The following TRPM3 variants were observed in gnomAD, a reference collection of about 807,000 sequenced individuals.
The protein encoded by TRPM3 is transient receptor potential cation channel subfamily M member 3.
In TRPM3, 77 loss-of-function variants were observed where a neutral mutation model predicts 181.2. That is an observed-to-expected ratio of 0.42 (90% CI 0.35 to 0.51). The LOEUF (loss-of-function observed/expected upper bound fraction) is 0.51, where lower values mean the gene tolerates loss of function less well. Among genes scored for constraint, TRPM3 ranks in the 20% least tolerant of loss-of-function variants. The probability of loss-of-function intolerance (pLI) is 0.01; values close to 1 mark genes in which losing one functional copy is unlikely to be tolerated. For missense variants in TRPM3, 1,759 were observed against 2,196.7 expected (o/e 0.80, Z 3.98); for synonymous variants, 745 against 796.4 (o/e 0.94, Z 1.09).
intron 1 of TRPM3, among the ~76,000 whole-genome samples, chr9:71,236,877 T>C (rs887626795): frequency 6.6e-5 from 10 of 151,882 alleles, no homozygotes; most frequent in African/African-American, 2.4e-4. Context: ...CGAAACACTG[T>C]CTCTACTAAA....
At chr9:70,941,705 G>C (rs2096887786) in intron 1 of TRPM3, among the ~76,000 whole-genome samples, 1 of 152,186 alleles carries the variant, frequency 6.6e-6, no homozygotes, top group African/African-American at 2.4e-5. Context: ...CATTTTACTA[G>C]AGGGGACAAA....
intron 9 of TRPM3, among the ~76,000 whole-genome samples, chr9:70,646,958 C>T (rs1208137162): frequency 1.3e-5 from 2 of 150,734 alleles, no homozygotes; most frequent in South Asian, 2.1e-4. Flanking sequence ...TTGATAAATT[C>T]CTTGTAACAT....
intron 1 of TRPM3, among the ~76,000 whole-genome samples, chr9:71,175,573 G>A (rs34716106): frequency 6.6e-6 from 1 of 152,052 alleles, no homozygotes; most frequent in Non-Finnish European, 1.5e-5. Context: ...AGTGTGGATA[G>A]TGTCAGAGGG....
intron 1 of TRPM3, among the ~76,000 whole-genome samples, chr9:70,982,799 C>T (rs1312421357): frequency 6.6e-6 from 1 of 152,200 alleles, no homozygotes; most frequent in Non-Finnish European, 1.5e-5. Flanking sequence ...TTTCCAGCTT[C>T]AAGTGGTTCT....
intron 1 of TRPM3, among the ~76,000 whole-genome samples, chr9:71,007,366 CAG>C (rs1475876380): frequency 6.6e-6 from 1 of 152,056 alleles, no homozygotes; most frequent in African/African-American, 2.4e-5. Context: ...ATGTACCTAA[CAG>C]ACATTTACAG....
chr9:70,836,836 G>T (rs1043058786), intron 5 of TRPM3, among the ~76,000 whole-genome samples: 3 of 152,152 alleles, frequency 2.0e-5, no homozygotes, highest in African/African-American at 7.2e-5. Context: ...GCCAGATCGT[G>T]CTTCTGAACT....
chr9:70,983,943 G>A (rs931090947), intron 1 of TRPM3, among the ~76,000 whole-genome samples: 3 of 152,156 alleles, frequency 2.0e-5, no homozygotes, highest in African/African-American at 7.2e-5. Flanking sequence ...GGTGGTTACT[G>A]CAGATTGTGG....
intron 1 of TRPM3, among the ~76,000 whole-genome samples, chr9:71,005,588 C>G (rs928810115): frequency 1.2e-4 from 18 of 151,962 alleles, no homozygotes; most frequent in African/African-American, 4.1e-4. Flanking sequence ...AACTTTTCAG[C>G]AGAAACCCTG....
intron 1 of TRPM3, among the ~76,000 whole-genome samples, chr9:71,116,770 T>C (rs899611456): frequency 1.2e-4 from 19 of 152,172 alleles, no homozygotes; most frequent in Non-Finnish European, 2.4e-4. Context: ...GAATTTACTA[T>C]GTAAAACTCT....
intron 1 of TRPM3, among the ~76,000 whole-genome samples, chr9:70,964,984 A>G (rs966518697): frequency 3.3e-5 from 5 of 151,978 alleles, no homozygotes; most frequent in Non-Finnish European, 5.9e-5. Flanking sequence ...ATCTGAACAG[A>G]ATCTCATTGT....
intron 25 of TRPM3, among the ~76,000 whole-genome samples, chr9:70,540,376 C>G (rs1426988070): frequency 6.6e-6 from 1 of 152,160 alleles, no homozygotes; most frequent in Non-Finnish European, 1.5e-5. Flanking sequence ...TTGTTTTGAC[C>G]TAACCGTAGT....
intron 1 of TRPM3, among the ~76,000 whole-genome samples, chr9:70,886,202 C>G (rs1211847377): frequency 6.6e-6 from 1 of 152,058 alleles, no homozygotes; most frequent in Non-Finnish European, 1.5e-5. Context: ...AAGCCACTTT[C>G]CAAATAAACA....
intron 1 of TRPM3, among the ~76,000 whole-genome samples, chr9:71,419,998 A>T (rs975960341): frequency 3.3e-5 from 5 of 152,054 alleles, no homozygotes; most frequent in African/African-American, 1.2e-4. Flanking sequence ...AATGAATTAC[A>T]TTATTAATAA....
In TRPM3 at chr9:70,683,428, C is replaced by CTTTTTTTTTTTTTT. The variant is rs575176948; in HGVS notation, c.1273-1864_1273-1851dup. Reference sequence around the variant, plus strand: ...CCTTTTCTCTCTTTCTCTCTCTCTCCTTTTTTTTTTTTTTTTTTTTTTTTT... The same window carrying CTTTTTTTTTTTTTT: ...CCTTTTCTCTCTTTCTCTCTCTCTCCTTTTTTTTTTTTTTTTTTTTTTTTTTTTTTTTTTTTTTT... On this transcript the variant is annotated intron_variant, in intron 8 of 25. Coordinates refer to ENST00000677713, the MANE Select transcript of TRPM3 (RefSeq NM_001366145.2). Among the ~76,000 whole-genome samples the CTTTTTTTTTTTTTT allele has an allele frequency of 4.3e-3, 246 of 57,448 alleles. 17 individuals are homozygous for CTTTTTTTTTTTTTT. The highest frequency in any genetic ancestry group is 5.9e-3 in the Non-Finnish European group (183 of 30,776). 37.7% of individuals were successfully genotyped at this position (57,448 alleles called of 152,430 possible).
At chr9:70,590,402 A>G (rs564799313) in intron 22 of TRPM3, among the ~76,000 whole-genome samples, 1 of 152,252 alleles carries the variant, frequency 6.6e-6, no homozygotes, top group South Asian at 2.1e-4. Flanking sequence ...TATAGATACT[A>G]TTTTCTTTTT....
chr9:70,675,530 AAC>A (rs1002791142), intron 9 of TRPM3, among the ~76,000 whole-genome samples: 2 of 152,226 alleles, frequency 1.3e-5, no homozygotes, highest in Non-Finnish European at 2.9e-5. Flanking sequence ...GAAGATCAGA[AAC>A]ACATAAAATA....
chr9:70,700,397 A>C (rs1177046563), intron 8 of TRPM3, among the ~76,000 whole-genome samples: 1 of 152,118 alleles, frequency 6.6e-6, no homozygotes, highest in Non-Finnish European at 1.5e-5. Context: ...CCAGGGCAGG[A>C]CCCTGGAAGA....
chr9:71,169,897 G>A (rs1565299986), intron 1 of TRPM3, among the ~76,000 whole-genome samples: 1 of 150,234 alleles, frequency 6.7e-6, no homozygotes, highest in East Asian at 2.0e-4. Flanking sequence ...AGCTACTAGG[G>A]AAGCTGAGGC....
At chr9:71,364,368 T>C (rs2092263963) in intron 1 of TRPM3, among the ~76,000 whole-genome samples, 1 of 152,236 alleles carries the variant, frequency 6.6e-6, no homozygotes, top group South Asian at 2.1e-4. Flanking sequence ...TGTTTGGCCA[T>C]GCCTAATTAA....
Sources: gnomAD v4.1 joint callset for allele counts (sites outside exome capture counted in the v4.1 genomes callset) on GRCh38, gnomAD v4.1.1 for gene constraint, MANE v1.5 for transcripts, NCBI Gene and HGNC (gene_info 2026-07-23, HGNC 2026-07-21) for gene names.